The following LMBR1 variants were observed in gnomAD, a reference collection of about 807,000 sequenced individuals.
LMBR1 encodes the protein limb region 1 protein homolog.
A neutral mutation model predicts 73.9 loss-of-function variants in LMBR1; 52 were observed. The observed-to-expected ratio is 0.70, with a 90% confidence interval of 0.56 to 0.89. The LOEUF (loss-of-function observed/expected upper bound fraction) is 0.89. Ranked by LOEUF, LMBR1 falls within the 40% of genes least tolerant of loss-of-function variation. LMBR1 has a pLI of 0.00. For synonymous variants in LMBR1, 215 were observed against 209.4 expected (o/e 1.03, Z -0.23); for missense variants, 539 against 579.8 (o/e 0.93, Z 0.72).
At chr7:156,825,554 AAAATT>A (rs1417477952) in intron 4 of LMBR1, among the ~76,000 whole-genome samples, 2 of 152,212 alleles carry the variant, frequency 1.3e-5, no homozygotes, top group Non-Finnish European at 2.9e-5. Flanking sequence ...CACAAAAATT[AAAATT>A]AAAACATTAA....
Position 156,671,765 on chromosome 7 carries a change from T to G in LMBR1, n.867-2478A>C, listed in dbSNP as rs77416420. On this transcript the variant is annotated intron_variant and non_coding_transcript_variant, in intron 4 of 4. Coordinates refer to the LMBR1 transcript ENST00000430825. ...CTAGTATCTCATGTCACCATCTTTA[T>G]GTCCACGTACTTGAAGAAACTTAAG... is the stretch of plus-strand genomic sequence containing the variant. Among the ~76,000 whole-genome samples the G allele has an allele frequency of 5.1e-3, 769 of 151,118 alleles. 17 individuals carry two copies. Among genetic ancestry groups the G allele is most frequent in the East Asian group, 0.034 (171 of 5,094 alleles).
chr7:156,738,061 G>A (rs1349755289), intron 9 of LMBR1, among the ~76,000 whole-genome samples: 1 of 152,208 alleles, frequency 6.6e-6, no homozygotes, highest in Non-Finnish European at 1.5e-5. Context: ...TCATACACCT[G>A]AAAGAGGCAC....
intron 4 of LMBR1, among the ~76,000 whole-genome samples, chr7:156,802,145 G>A (rs917831189): frequency 6.6e-6 from 1 of 152,148 alleles, no homozygotes; most frequent in Non-Finnish European, 1.5e-5. Flanking sequence ...ACTGCGCCAG[G>A]CTAATTTTTG....
At chr7:156,690,302 G>A (rs945647202) in intron 15 of LMBR1, among the ~76,000 whole-genome samples, 11 of 152,096 alleles carry the variant, frequency 7.2e-5, no homozygotes, top group Admixed American at 3.3e-4. Flanking sequence ...AAATATAAAT[G>A]CAAGTTCTAA....
Position 156,757,006 on chromosome 7 carries a change from G to A in LMBR1, c.685-541C>T, listed in dbSNP as rs770186263. Reference sequence around the variant, plus strand: ...TAATTTTTGTATTTTTAGTAGAGACGGGTTTCACCGTGTTGACCAAGCTGG... The same window carrying A: ...TAATTTTTGTATTTTTAGTAGAGACAGGTTTCACCGTGTTGACCAAGCTGG... On this transcript the variant is annotated intron_variant, in intron 8 of 16. Transcript: ENST00000353442. 1.4e-4 allele frequency among the ~76,000 whole-genome samples: 22 copies of A among 152,120 alleles called. No homozygotes were observed. In the South Asian group the frequency reaches 2.3e-3, roughly 16 times the overall value.
In LMBR1 at chr7:156,679,217, G is replaced by C. The variant is rs1804597543; in HGVS notation, c.*4861C>G. ...AAGGTGGTCCTGGGGGTGACTGTGGGACGACAAAGAACTCGACCCTCCACA... is the reference window on the plus strand; with the variant it reads ...AAGGTGGTCCTGGGGGTGACTGTGGCACGACAAAGAACTCGACCCTCCACA... On this transcript the variant is annotated 3_prime_UTR_variant, in exon 17 of 17. Transcript: ENST00000353442. The C allele has an allele frequency of 6.6e-6, 1 of 152,102 alleles. No individual in the cohort carries two copies. 9.4% of individuals were successfully genotyped at this position (152,102 alleles called of 1,614,324 possible). A position where few individuals can be genotyped will look rare whatever the true frequency, so the allele number is the denominator to read the frequency against.
chr7:156,778,748 A>G (rs1453776179), intron 5 of LMBR1, among the ~76,000 whole-genome samples: 2 of 152,252 alleles, frequency 1.3e-5, no homozygotes, highest in Non-Finnish European at 2.9e-5. Flanking sequence ...CCTTTATGGC[A>G]TGCCATGTGT....
rs1278970681 is a variant in LMBR1, at chr7:156,826,673, C to T, written c.251G>A (p.Ser84Asn). The change falls in exon 4 of 17, where the codon AGC becomes AAC. Residue 84 changes from serine (S) to asparagine (N), a missense_variant. Ser to Asn is a conservative substitution (Grantham distance 46). Coordinates refer to ENST00000353442, the MANE Select transcript of LMBR1 (RefSeq NM_022458.4). The stretch of plus-strand genomic sequence containing the variant: ...AGGAAAAGAAAGCAGGATTTCATTG[C>T]TGATGATTGAGAAGGGTAAAAGCAA... Reference protein sequence around the residue: ...AVLLLPFSIISNEILLSFPQN... With the variant: ...AVLLLPFSIINNEILLSFPQN... The T allele has an allele frequency of 6.2e-7, 1 of 1,609,426 alleles. No homozygotes were observed. Among genetic ancestry groups the T allele is most frequent in the Non-Finnish European group, 8.5e-7 (1 of 1,177,470 alleles).
chr7:156,842,364 G>A (rs963951647), intron 1 of LMBR1, among the ~76,000 whole-genome samples: 2 of 141,144 alleles, frequency 1.4e-5, no homozygotes, highest in East Asian at 2.1e-4. Flanking sequence ...TTATAGAAGT[G>A]AGAAACAAAG....
intron 4 of LMBR1, among the ~76,000 whole-genome samples, chr7:156,820,027 G>A (rs570402717): frequency 6.6e-6 from 1 of 152,276 alleles, no homozygotes; most frequent in South Asian, 2.1e-4. Flanking sequence ...TACTGCCACC[G>A]TCGAGGACTT....
intron 1 of LMBR1, among the ~76,000 whole-genome samples, chr7:156,846,314 G>T (rs765107437): frequency 6.6e-6 from 1 of 151,710 alleles, no homozygotes; most frequent in Non-Finnish European, 1.5e-5. Context: ...CAAAAACAAA[G>T]ATGCCAAATA....
At chr7:156,878,551 T>G (rs961063307) in intron 1 of LMBR1, among the ~76,000 whole-genome samples, 1 of 152,168 alleles carries the variant, frequency 6.6e-6, no homozygotes, top group African/African-American at 2.4e-5. Context: ...GCTGAAATCA[T>G]AGATGACACA....
chr7:156,699,986 G>A (rs1047701229), intron 15 of LMBR1, among the ~76,000 whole-genome samples: 34 of 152,150 alleles, frequency 2.2e-4, no homozygotes, highest in Non-Finnish European at 3.7e-4. Flanking sequence ...TCAGTGTGGC[G>A]ATTCCTCAGG....
chr7:156,852,132 G>T (rs1232565402), intron 1 of LMBR1, among the ~76,000 whole-genome samples: 2 of 152,024 alleles, frequency 1.3e-5, no homozygotes, highest in Non-Finnish European at 2.9e-5. Flanking sequence ...AAAGATTTCG[G>T]TCCAGGTCTC....
At chr7:156,676,009 G>A, downstream of LMBR1, 1 of 890,460 alleles carries the variant, frequency 1.1e-6, no homozygotes. Context: ...GGCTGTGGGG[G>A]TGGCATGTCG....
chr7:156,712,649 T>C (rs1282199805), intron 15 of LMBR1, among the ~76,000 whole-genome samples: 1 of 152,146 alleles, frequency 6.6e-6, no homozygotes, highest in Non-Finnish European at 1.5e-5. Flanking sequence ...AAAGAAAATG[T>C]GGTATAAAAA....
chr7:156,758,905 C>G (rs377707185), intron 8 of LMBR1, among the ~76,000 whole-genome samples: 1 of 152,184 alleles, frequency 6.6e-6, no homozygotes, highest in Non-Finnish European at 1.5e-5. Flanking sequence ...AACAATCCTA[C>G]GAAAAACAGA....
Position 156,683,960 on chromosome 7 carries a change from T to C in LMBR1, c.*118A>G, listed in dbSNP as rs1805475835. 1 of 756,084 alleles carries C rather than the reference T, an allele frequency of 1.3e-6. No homozygotes were observed. The highest frequency in any genetic ancestry group is 2.3e-5 in the Admixed American group (1 of 42,596). 46.8% of individuals were successfully genotyped at this position (756,084 alleles called of 1,614,324 possible). A position where few individuals can be genotyped will look rare whatever the true frequency, so the allele number is the denominator to read the frequency against. ...GATTATGAAAAAAAAATGGCACTGATAGGTCTAGGTTCTGAAGAGGGGCCA... is the reference window on the plus strand; with the variant it reads ...GATTATGAAAAAAAAATGGCACTGACAGGTCTAGGTTCTGAAGAGGGGCCA... On this transcript the variant is annotated 3_prime_UTR_variant, in exon 17 of 17. Transcript: ENST00000353442.
At position 156,680,978 on chromosome 7, in the gene LMBR1, C is replaced by A. The variant is rs919784476; in HGVS notation, c.*3100G>T. 3.3e-6 allele frequency: 1 copy of A among 302,598 alleles called. No individual in the cohort carries two copies. Among genetic ancestry groups the A allele is most frequent in the Non-Finnish European group, 6.3e-6 (1 of 159,458 alleles). The allele number at this position is 302,598 out of a possible 1,614,324, so 18.7% of individuals were successfully genotyped here. On this transcript the variant is annotated 3_prime_UTR_variant, in exon 17 of 17. Coordinates refer to ENST00000353442, the MANE Select transcript of LMBR1 (RefSeq NM_022458.4). ...ACTAACAATTTGTAAACAAAACAAT[C>A]TGTAAACAAAAATCAATTACTAGTG...
Sources: gnomAD v4.1 joint callset for allele counts (sites outside exome capture counted in the v4.1 genomes callset) on GRCh38, gnomAD v4.1.1 for gene constraint, MANE v1.5 for transcripts, NCBI Gene and HGNC (gene_info 2026-07-23, HGNC 2026-07-21) for gene names.